Variants in FARP1 observed in about 807,000 individuals in gnomAD.
The protein encoded by FARP1 is FERM, ARH/RhoGEF and pleckstrin domain protein 1.
A neutral mutation model predicts 128.8 loss-of-function variants in FARP1; 52 were observed. The observed-to-expected ratio is 0.40, with a 90% confidence interval of 0.32 to 0.51. The LOEUF is 0.51. Among genes scored for constraint, FARP1 ranks in the 20% least tolerant of loss-of-function variants. The probability of loss-of-function intolerance (pLI) is 0.45; values close to 1 mark genes in which losing one functional copy is unlikely to be tolerated. For missense variants in FARP1, 1,333 were observed against 1,367.9 expected (o/e 0.97, Z 0.40); for synonymous variants, 580 against 551.8 (o/e 1.05, Z -0.72).
At chr13:98,292,477 C>A (rs2139669386) in intron 2 of FARP1, among the ~76,000 whole-genome samples, 1 of 152,294 alleles carries the variant, frequency 6.6e-6, no homozygotes. Flanking sequence ...TATCTCATGG[C>A]CAGGCAGTGC....
chr13:98,398,217 T>C (rs1890630225), intron 13 of FARP1: 2 of 152,228 alleles, frequency 1.3e-5, no homozygotes, highest in South Asian at 4.1e-4. Context: ...CAGACTTTTT[T>C]TGTTTTGTTT....
chr13:98,371,218 GTTTTT>G (rs33975048), intron 5 of FARP1, among the ~76,000 whole-genome samples: 1 of 124,716 alleles, frequency 8.0e-6, no homozygotes. Flanking sequence ...CCCGCCCCCC[GTTTTT>G]TTTTTTTTTT....
chr13:98,193,774 C>T (rs1412253689), intron 1 of FARP1, among the ~76,000 whole-genome samples: 2 of 152,204 alleles, frequency 1.3e-5, no homozygotes, highest in Non-Finnish European at 1.5e-5. Flanking sequence ...GTCTCCTTAT[C>T]TCCCAGCCTA....
intron 1 of FARP1, among the ~76,000 whole-genome samples, chr13:98,167,572 G>A (rs1012912879): frequency 4.0e-5 from 6 of 151,788 alleles, no homozygotes; most frequent in African/African-American, 1.5e-4. Flanking sequence ...ACCACGCCCA[G>A]CTAATTTTTG....
In FARP1 at chr13:98,395,441, A is replaced by C; in HGVS notation, c.1379A>C (p.Gln460Pro). The C allele has an allele frequency of 6.2e-7, 1 of 1,601,446 alleles. No homozygotes were observed. The highest frequency in any genetic ancestry group is 8.5e-7 in the Non-Finnish European group (1 of 1,170,856). ...GAGGAGGTCGTTAAGGATAGGACCC[A>C]GCAGAGTAAACCTCAGCCCCCGCAG... ...EEEEVVKDRT[Q>P]QSKPQPPQPS... The change falls in exon 13 of 27, where the codon CAG becomes CCG. Residue 460 changes from glutamine to proline, a missense_variant. Around this residue, in one of 2 missense-constraint regions of FARP1, gnomAD observed 1,009 missense variants for 969.8 expected, o/e 1.04. Transcript: ENST00000319562.
At chr13:98,292,243 A>G (rs1332428836) in intron 2 of FARP1, among the ~76,000 whole-genome samples, 4 of 152,236 alleles carry the variant, frequency 2.6e-5, no homozygotes, top group Admixed American at 6.5e-5. Context: ...ACTGAATTCA[A>G]TACATAGCAT....
At chr13:98,442,439 G>C (rs1892563423) in intron 24 of FARP1, among the ~76,000 whole-genome samples, 1 of 152,202 alleles carries the variant, frequency 6.6e-6, no homozygotes, top group African/African-American at 2.4e-5. Flanking sequence ...ATCCTCAAGG[G>C]GACACATCCG....
chr13:98,292,565 T>C (rs1356870693), intron 2 of FARP1, among the ~76,000 whole-genome samples: 4 of 152,264 alleles, frequency 2.6e-5, no homozygotes, highest in Non-Finnish European at 5.9e-5. Context: ...ACAGTTGCAC[T>C]AGCCATACTC....
intron 2 of FARP1, among the ~76,000 whole-genome samples, chr13:98,261,414 AC>A: frequency 6.6e-6 from 1 of 151,954 alleles, no homozygotes; most frequent in Middle Eastern, 3.5e-3. Context: ...ATTGGATGCA[AC>A]CTTTTGGTCC....
chr13:98,174,011 C>T (rs572385646), intron 1 of FARP1, among the ~76,000 whole-genome samples: 1 of 152,240 alleles, frequency 6.6e-6, no homozygotes, highest in African/African-American at 2.4e-5. Flanking sequence ...GTGTGCACTC[C>T]CTGCAGTCCT....
intron 5 of FARP1, among the ~76,000 whole-genome samples, chr13:98,371,545 T>A (rs1889331190): frequency 6.7e-6 from 1 of 149,094 alleles, no homozygotes; most frequent in Admixed American, 6.8e-5. Flanking sequence ...ATAAAATTGA[T>A]CTGAAATTCC....
intron 2 of FARP1, among the ~76,000 whole-genome samples, chr13:98,284,304 G>C (rs571330631): frequency 6.6e-6 from 1 of 152,120 alleles, no homozygotes; most frequent in South Asian, 2.1e-4. Flanking sequence ...TCAACACTTG[G>C]ATAACCAATG....
intron 2 of FARP1, among the ~76,000 whole-genome samples, chr13:98,250,684 G>A (rs549707489): frequency 1.3e-3 from 201 of 151,298 alleles, no homozygotes; most frequent in African/African-American, 4.7e-3. Flanking sequence ...TCACACCACT[G>A]CACTCTAGCC....
intron 2 of FARP1, among the ~76,000 whole-genome samples, chr13:98,316,810 G>A (rs117864997): frequency 6.8e-4 from 104 of 152,298 alleles, no homozygotes; most frequent in South Asian, 2.1e-3. Context: ...ATAACACCAG[G>A]CCTGACATTT....
At chr13:98,142,709 G>C (rs1875117195), upstream of FARP1, 1 of 152,552 alleles carries the variant, frequency 6.6e-6, no homozygotes, top group African/African-American at 2.4e-5. Context: ...GCGACCTGCA[G>C]AGTCCGAGCC....
At chr13:98,287,362 TG>T (rs992578655) in intron 2 of FARP1, among the ~76,000 whole-genome samples, 6 of 151,644 alleles carry the variant, frequency 4.0e-5, no homozygotes, top group Non-Finnish European at 8.8e-5. Flanking sequence ...CCCGAGTAGC[TG>T]GGACTACAGG....
intron 2 of FARP1, among the ~76,000 whole-genome samples, chr13:98,236,035 G>A (rs965857525): frequency 1.3e-5 from 2 of 152,088 alleles, no homozygotes; most frequent in African/African-American, 4.8e-5. Context: ...TGTTTGTCAG[G>A]CTGGTCTCGA....
intron 13 of FARP1, chr13:98,399,724 G>A (rs1261369526): frequency 6.6e-6 from 1 of 152,156 alleles, no homozygotes; most frequent in Admixed American, 6.5e-5. Flanking sequence ...GACCGTGAAT[G>A]GAAGACAAGC....
At chr13:98,185,245 A>G (rs180850985) in intron 1 of FARP1, among the ~76,000 whole-genome samples, 95 of 152,184 alleles carry the variant, frequency 6.2e-4, no homozygotes, top group African/African-American at 2.2e-3. Context: ...GCTGGTAAAA[A>G]TTCCTGAAAA....
Sources: allele counts gnomAD v4.1 joint callset (sites outside exome capture counted in the v4.1 genomes callset), GRCh38; gene constraint gnomAD v4.1.1; regional missense constraint gnomAD v4.1.1; transcripts MANE v1.5; gene names NCBI Gene and HGNC (gene_info 2026-07-23, HGNC 2026-07-21).